Variants in LARGE1 observed in about 807,000 individuals in gnomAD.
LARGE1 encodes the protein LARGE xylosyl- and glucuronyltransferase 1, also known as xylosyl- and glucuronyltransferase LARGE1.
A neutral mutation model predicts 87.6 loss-of-function variants in LARGE1; 43 were observed. The ratio of observed to expected loss-of-function variants is 0.49; its 90% confidence interval spans 0.38 to 0.63. LARGE1 has a LOEUF of 0.63. LARGE1 is among the 30% of genes least tolerant of loss of function. The probability of loss-of-function intolerance (pLI) is 0.00; values close to 1 mark genes in which losing one functional copy is unlikely to be tolerated. For synonymous variants in LARGE1, 434 were observed against 394.6 expected (o/e 1.10, Z -1.18); for missense variants, 802 against 1,000.2 (o/e 0.80, Z 2.67).
intron 1 of LARGE1, among the ~76,000 whole-genome samples, chr22:33,904,564 C>A (rs34455747): frequency 0.098 from 14,852 of 152,190 alleles, 973 homozygotes; most frequent in Non-Finnish European, 0.14. Context: ...TGGGGACAGG[C>A]TGCCTGAGAA....
At chr22:33,305,760 T>C (rs1364544903) in intron 11 of LARGE1, 1 of 165,214 alleles carries the variant, frequency 6.1e-6, no homozygotes, top group Non-Finnish European at 1.2e-5. Context: ...GATTAAGATA[T>C]TCACCAGTGC....
intron 7 of LARGE1, among the ~76,000 whole-genome samples, chr22:33,387,127 A>G (rs907367120): frequency 1.4e-5 from 2 of 146,346 alleles, no homozygotes; most frequent in African/African-American, 5.0e-5. Context: ...CAAAAAACAA[A>G]AAACAAAAAA....
chr22:33,290,128 C>A (rs1156814876), intron 12 of LARGE1, among the ~76,000 whole-genome samples: 2 of 152,178 alleles, frequency 1.3e-5, no homozygotes, highest in Non-Finnish European at 2.9e-5. Flanking sequence ...CAACCTGACC[C>A]TGGCTGTTGA....
intron 6 of LARGE1, among the ~76,000 whole-genome samples, chr22:33,545,504 C>G (rs966370667): frequency 1.3e-5 from 2 of 151,266 alleles, no homozygotes; most frequent in Non-Finnish European, 2.9e-5. Flanking sequence ...TGCAGTGGCA[C>G]GATCTCAGCT....
At chr22:33,875,338 T>C (rs1467748668) in intron 1 of LARGE1, among the ~76,000 whole-genome samples, 1 of 152,038 alleles carries the variant, frequency 6.6e-6, no homozygotes, top group African/African-American at 2.4e-5. Context: ...AAGCTGGGGG[T>C]GTCTCCATCC....
chr22:33,158,981 A>G (rs930560142), downstream of LARGE1, among the ~76,000 whole-genome samples: 1 of 152,234 alleles, frequency 6.6e-6, no homozygotes, highest in Non-Finnish European at 1.5e-5. Context: ...TGACTATAGA[A>G]TGTATATTTT....
the LARGE1 span, among the ~76,000 whole-genome samples, chr22:33,147,733 G>A: frequency 2.0e-5 from 3 of 152,000 alleles, no homozygotes; most frequent in African/African-American, 4.8e-5. Context: ...TTTTGCATAC[G>A]CTTTTTTTGG....
In LARGE1 at chr22:33,753,156, G is replaced by T. The variant is rs915032196; in HGVS notation, c.106+8215C>A. ...AATCACTTGAACCAGGGAGTCGGAG[G>T]TTGCAGTGAACTGAGATCACACCAC... is the stretch of plus-strand genomic sequence containing the variant. On this transcript the variant is annotated intron_variant, in intron 2 of 14. Transcript: ENST00000397394. 2.6e-5 allele frequency among the ~76,000 whole-genome samples: 4 copies of T among 152,200 alleles called. No homozygotes were observed. The East Asian group carries it at 7.7e-4, about 29-fold the overall frequency.
chr22:33,193,163 A>G (rs751715842), intron 11 of LARGE1, among the ~76,000 whole-genome samples: 2 of 152,138 alleles, frequency 1.3e-5, no homozygotes, highest in Non-Finnish European at 2.9e-5. Context: ...AGACTGAGAG[A>G]GAAGAGTGTG....
chr22:33,162,516 G>C (rs1469633476), exon 12 of LARGE1: 1 of 152,164 alleles, frequency 6.6e-6, no homozygotes, highest in Non-Finnish European at 1.5e-5. Context: ...ATCTGGGTGA[G>C]AACATAGCCA....
At chr22:33,711,921 A>T (rs1412715379) in intron 2 of LARGE1, among the ~76,000 whole-genome samples, 1 of 152,136 alleles carries the variant, frequency 6.6e-6, no homozygotes, top group Admixed American at 6.5e-5. Context: ...TCAGCCTCCC[A>T]AAGTGTTGGG....
At chr22:33,638,968 A>G (rs780359767) in intron 3 of LARGE1, among the ~76,000 whole-genome samples, 13 of 152,220 alleles carry the variant, frequency 8.5e-5, no homozygotes, top group Non-Finnish European at 1.3e-4. Context: ...ACATCCACAA[A>G]TGCCTAGACG....
chr22:33,719,154 C>T (rs925266435), intron 2 of LARGE1, among the ~76,000 whole-genome samples: 1 of 152,126 alleles, frequency 6.6e-6, no homozygotes, highest in Admixed American at 6.5e-5. Flanking sequence ...CAGCAAAAAG[C>T]TTACAGTGTA....
the LARGE1 span, among the ~76,000 whole-genome samples, chr22:33,146,417 A>T: frequency 6.6e-6 from 1 of 152,206 alleles, no homozygotes; most frequent in Admixed American, 6.5e-5. Context: ...TCTCTATTAC[A>T]TTCAGGGTGG....
chr22:33,191,987 T>G lies in LARGE1; in HGVS notation c.1731-25155A>C, dbSNP rs537139556. Reference sequence around the variant, plus strand: ...TAATCAGAAATATTTTTCTGAAGATTCTTATATGAAAACTGAACATTAAGC... The same window carrying G: ...TAATCAGAAATATTTTTCTGAAGATGCTTATATGAAAACTGAACATTAAGC... On this transcript the variant is annotated intron_variant, in intron 11 of 11. Transcript: ENST00000608642. Among the ~76,000 whole-genome samples the G allele has an allele frequency of 1.1e-4, 17 of 152,318 alleles. No homozygotes were observed. In the South Asian group the frequency reaches 3.5e-3, roughly 32 times the overall value.
At chr22:33,217,252 A>G (rs560144211) in intron 11 of LARGE1, among the ~76,000 whole-genome samples, 21 of 152,134 alleles carry the variant, frequency 1.4e-4, no homozygotes, top group Non-Finnish European at 2.4e-4. Flanking sequence ...AAAAAAAAAA[A>G]AATAACGAGC....
chr22:33,575,654 T>C (rs1208189950), intron 5 of LARGE1, among the ~76,000 whole-genome samples: 1 of 152,204 alleles, frequency 6.6e-6, no homozygotes, highest in African/African-American at 2.4e-5. Flanking sequence ...TATTCAGACA[T>C]ACAACCCTAG....
intron 1 of LARGE1, among the ~76,000 whole-genome samples, chr22:33,804,699 A>G (rs1476283349): frequency 2.0e-5 from 3 of 152,168 alleles, no homozygotes; most frequent in African/African-American, 7.2e-5. Context: ...CAAAAACAAC[A>G]ACAAAACCCC....
At chr22:33,199,205 G>GTT (rs572564149) in intron 11 of LARGE1, among the ~76,000 whole-genome samples, 3,574 of 99,016 alleles carry the variant, frequency 0.036, 152 homozygotes, top group African/African-American at 0.13. Context: ...GCTGTTTGAG[G>GTT]TTTTTTTTTT....
Sources: allele counts gnomAD v4.1 joint callset (sites outside exome capture counted in the v4.1 genomes callset), GRCh38; gene constraint gnomAD v4.1.1; transcripts MANE v1.5; gene names NCBI Gene and HGNC (gene_info 2026-07-23, HGNC 2026-07-21).